FSTL5: variants seen among roughly 807,000 people sequenced by gnomAD.
The protein encoded by FSTL5 is follistatin-related protein 5.
In FSTL5, 62 loss-of-function variants were observed where a neutral mutation model predicts 89.1. That is an observed-to-expected ratio of 0.70 (90% CI 0.57 to 0.86). The LOEUF is 0.86. Ranked by LOEUF, FSTL5 falls within the 40% of genes least tolerant of loss-of-function variation. The pLI, the probability that FSTL5 is intolerant of heterozygous loss-of-function variation, is 0.00. For missense variants in FSTL5, 1,057 were observed against 1,001.6 expected, an observed-to-expected ratio of 1.06 and a Z score of -0.75; for synonymous variants, 383 against 346.2, an observed-to-expected ratio of 1.11 and a Z score of -1.18.
At chr4:161,667,403 A>T (rs1265936706) in intron 6 of FSTL5, among the ~76,000 whole-genome samples, 1 of 152,118 alleles carries the variant, frequency 6.6e-6, no homozygotes, top group Admixed American at 6.5e-5. Flanking sequence ...AGTCAAGTTA[A>T]TATTAACTGT....
chr4:161,927,697 T>C (rs1040301867), intron 3 of FSTL5, among the ~76,000 whole-genome samples: 3 of 151,794 alleles, frequency 2.0e-5, no homozygotes, highest in African/African-American at 7.2e-5. Context: ...AAGTAAATAT[T>C]GGTCATTAAA....
At chr4:161,981,424 G>A (rs552564539) in intron 3 of FSTL5, among the ~76,000 whole-genome samples, 14 of 152,268 alleles carry the variant, frequency 9.2e-5, no homozygotes, top group African/African-American at 3.4e-4. Flanking sequence ...AAAGCTCTGT[G>A]TTTTTTGATA....
chr4:161,990,397 T>C (rs1258540843), intron 3 of FSTL5, among the ~76,000 whole-genome samples: 1 of 152,154 alleles, frequency 6.6e-6, no homozygotes, highest in African/African-American at 2.4e-5. Context: ...ACAAATTTTA[T>C]AATCTTATAA....
intron 3 of FSTL5, among the ~76,000 whole-genome samples, chr4:161,950,130 C>G (rs569298758): frequency 2.0e-5 from 3 of 152,116 alleles, no homozygotes; most frequent in Non-Finnish European, 4.4e-5. Flanking sequence ...AGCTGGACTA[C>G]TGATTCAGTT....
At chr4:161,730,225 T>C (rs1418959172) in intron 6 of FSTL5, among the ~76,000 whole-genome samples, 1 of 152,134 alleles carries the variant, frequency 6.6e-6, no homozygotes, top group East Asian at 1.9e-4. Flanking sequence ...AAATTAATTT[T>C]TCTTTGAGGA....
intron 2 of FSTL5, among the ~76,000 whole-genome samples, chr4:162,034,890 T>G (rs900789960): frequency 6.6e-6 from 1 of 152,150 alleles, no homozygotes; most frequent in African/African-American, 2.4e-5. Flanking sequence ...ACTTTAAAAC[T>G]TGGTGTTCTA....
At chr4:161,729,154 G>T (rs894693485) in intron 6 of FSTL5, among the ~76,000 whole-genome samples, 2 of 152,118 alleles carry the variant, frequency 1.3e-5, no homozygotes, top group African/African-American at 4.8e-5. Flanking sequence ...TTTACTTTCA[G>T]TAACACTGAA....
chr4:161,740,847 T>C (rs1020290369), intron 6 of FSTL5, among the ~76,000 whole-genome samples: 15 of 152,196 alleles, frequency 9.9e-5, no homozygotes, highest in African/African-American at 3.4e-4. Flanking sequence ...AGAAATTTAT[T>C]TCCCAAAGCT....
At chr4:162,023,983 A>G (rs1380189037) in intron 3 of FSTL5, among the ~76,000 whole-genome samples, 1 of 152,132 alleles carries the variant, frequency 6.6e-6, no homozygotes, top group Non-Finnish European at 1.5e-5. Context: ...ATGTCAAGCA[A>G]ATCTAGAAGG....
At chr4:161,609,031 A>G (rs1233638178) in intron 7 of FSTL5, among the ~76,000 whole-genome samples, 2 of 151,846 alleles carry the variant, frequency 1.3e-5, no homozygotes, top group African/African-American at 4.8e-5. Flanking sequence ...ATTTTATTCT[A>G]TTTTTAATAT....
chr4:162,001,986 T>C (rs1375239292), intron 3 of FSTL5, among the ~76,000 whole-genome samples: 1 of 152,122 alleles, frequency 6.6e-6, no homozygotes, highest in Admixed American at 6.6e-5. Flanking sequence ...ACCTGTCTAC[T>C]TTTTTTATTT....
chr4:161,865,303 GA>G (rs1732049356), intron 4 of FSTL5, among the ~76,000 whole-genome samples: 1 of 152,140 alleles, frequency 6.6e-6, no homozygotes, highest in Admixed American at 6.5e-5. Context: ...AAACTATGGG[GA>G]AAAGTCCACA....
intron 2 of FSTL5, among the ~76,000 whole-genome samples, chr4:162,062,100 G>A (rs986548856): frequency 7.3e-5 from 11 of 151,406 alleles, no homozygotes; most frequent in South Asian, 2.1e-4. Context: ...CCATGATGTC[G>A]AAATTTATAT....
chr4:161,410,265 C>A (rs1244336430), intron 15 of FSTL5, among the ~76,000 whole-genome samples: 2 of 152,062 alleles, frequency 1.3e-5, no homozygotes, highest in Non-Finnish European at 2.9e-5. Flanking sequence ...CTTAGCCAAC[C>A]ACATGATAAG....
chr4:161,885,927 A>C (rs1319323427), intron 4 of FSTL5, among the ~76,000 whole-genome samples: 1 of 152,144 alleles, frequency 6.6e-6, no homozygotes, highest in Non-Finnish European at 1.5e-5. Flanking sequence ...GAGTTACTGA[A>C]AGGAATTAAA....
intron 6 of FSTL5, among the ~76,000 whole-genome samples, chr4:161,757,593 A>G (rs56669664): frequency 4.2e-4 from 64 of 152,154 alleles, no homozygotes; most frequent in African/African-American, 1.5e-3. Flanking sequence ...CTTCATATAA[A>G]GTAGAATAAT....
chr4:161,883,399 C>A (rs1349572163), intron 4 of FSTL5, among the ~76,000 whole-genome samples: 1 of 152,140 alleles, frequency 6.6e-6, no homozygotes, highest in African/African-American at 2.4e-5. Flanking sequence ...TAAATTATGT[C>A]TTTTATTCAT....
At chr4:162,160,161 A>C (rs561476053) in intron 1 of FSTL5, among the ~76,000 whole-genome samples, 1 of 134,532 alleles carries the variant, frequency 7.4e-6, no homozygotes, top group East Asian at 2.2e-4. Flanking sequence ...TATACATTCT[A>C]ATTGTCTCAA....
chr4:161,792,085 C>T (rs894780337), intron 4 of FSTL5, among the ~76,000 whole-genome samples: 5 of 152,148 alleles, frequency 3.3e-5, no homozygotes, highest in African/African-American at 4.8e-5. Flanking sequence ...CTCCATCCCC[C>T]GCAGGCTTGG....
Sources: allele counts gnomAD v4.1 joint callset (sites outside exome capture counted in the v4.1 genomes callset), GRCh38; gene constraint gnomAD v4.1.1; transcripts MANE v1.5; gene names NCBI Gene and HGNC (gene_info 2026-07-23, HGNC 2026-07-21).